TPRA1: variants seen among roughly 807,000 people sequenced by gnomAD.
TPRA1 encodes the protein transmembrane protein adipocyte associated 1, also known as transmembrane protein adipocyte-associated 1.
Under a neutral mutation model 40.1 loss-of-function variants are expected in TPRA1, and 28 were observed. The ratio of observed to expected loss-of-function variants is 0.70; its 90% CI spans 0.52 to 0.96. The LOEUF (loss-of-function observed/expected upper bound fraction) is 0.96, where lower values mean the gene tolerates loss of function less well. Among genes scored for constraint, TPRA1 ranks in the 40% least tolerant of loss-of-function variants. TPRA1 has a pLI of 0.00. For missense variants in TPRA1, 441 were observed against 482.6 expected, an observed-to-expected ratio of 0.91 and a Z score of 0.81; for synonymous variants, 219 against 209.7, an observed-to-expected ratio of 1.04 and a Z score of -0.38.
Position 127,596,083 on chromosome 3 carries a change from A to AT in TPRA1, c.-390-394dup, listed in dbSNP as rs112013218. ...CTTCAAGGTGCTAAATCCCAGGATAATTTTTTTTTTTTTGAGATAGAGTTT... is the reference window on the plus strand; with the variant it reads ...CTTCAAGGTGCTAAATCCCAGGATAATTTTTTTTTTTTTTGAGATAGAGTTT... On this transcript the variant is annotated intron_variant, in intron 1 of 3. Coordinates refer to the TPRA1 transcript ENST00000462228. Among the ~76,000 whole-genome samples, 556 of 146,052 alleles carry AT rather than the reference A, an allele frequency of 3.8e-3. 1 individual carries two copies. The highest frequency in any genetic ancestry group is 9.3e-3 in the African/African-American group (373 of 39,926).
chr3:127,584,847 C>T (rs1357041559), intron 1 of TPRA1, among the ~76,000 whole-genome samples: 1 of 152,030 alleles, frequency 6.6e-6, no homozygotes, highest in African/African-American at 2.4e-5. Flanking sequence ...TTGTTATAAA[C>T]ATATGACACG....
chr3:127,586,656 G>A (rs1053369579), intron 1 of TPRA1, among the ~76,000 whole-genome samples: 2 of 152,222 alleles, frequency 1.3e-5, no homozygotes, highest in Non-Finnish European at 2.9e-5. Flanking sequence ...ACCATGACCA[G>A]CTATCCCCAC....
At chr3:127,578,566 T>G (rs1248378041) in intron 3 of TPRA1, among the ~76,000 whole-genome samples, 1 of 152,214 alleles carries the variant, frequency 6.6e-6, no homozygotes, top group East Asian at 1.9e-4. Flanking sequence ...AAAGGACATC[T>G]GCCTAGCATA....
At chr3:127,573,974 T>G (rs2073475052) in intron 10 of TPRA1, among the ~76,000 whole-genome samples, 186 bp from the exon 11 acceptor site, 1 of 152,040 alleles carries the variant, frequency 6.6e-6, no homozygotes, top group South Asian at 2.1e-4. Flanking sequence ...CCAGCCCTCC[T>G]CCCCCTGGCT....
chr3:127,589,163 C>T (rs1399598206), intron 1 of TPRA1, among the ~76,000 whole-genome samples: 3 of 152,132 alleles, frequency 2.0e-5, no homozygotes, highest in African/African-American at 4.8e-5. Flanking sequence ...CTCTGCCTCC[C>T]TCCCTCCCAC....
In TPRA1 at chr3:127,581,062, G is replaced by C. The variant is rs545981283; in HGVS notation, c.-17-899C>G. ...CCACTCTGGGGTTAGGGGACTGAGG[G>C]TCTGGTCGGAAAACCAAGACTCCTA... On this transcript the variant is annotated intron_variant, in intron 1 of 10. Transcript: ENST00000355552. Among the ~76,000 whole-genome samples the C allele has an allele frequency of 2.0e-4, 31 of 152,334 alleles. 2 individuals are homozygous for C. The South Asian group carries it at 6.4e-3, about 32-fold the overall frequency.
chr3:127,584,726 A>G (rs56374192), intron 1 of TPRA1, among the ~76,000 whole-genome samples: 125 of 152,326 alleles, frequency 8.2e-4, no homozygotes, highest in African/African-American at 2.9e-3. Flanking sequence ...ACAGGCTGAC[A>G]GTCCTTCAGC....
At chr3:127,592,510 C>G (rs570344908), upstream of TPRA1, among the ~76,000 whole-genome samples, 1 of 151,332 alleles carries the variant, frequency 6.6e-6, no homozygotes, top group Non-Finnish European at 1.5e-5. Context: ...CTCAGCCTCC[C>G]GAGTAGCTGG....
chr3:127,592,390 T>G (rs1423610811), upstream of TPRA1, among the ~76,000 whole-genome samples: 41 of 143,696 alleles, frequency 2.9e-4, no homozygotes, highest in African/African-American at 1.0e-3. Flanking sequence ...TTTTTTTTTT[T>G]TTTTTTGAGA....
intron 1 of TPRA1, chr3:127,595,825 C>T (rs998699511): frequency 1.3e-5 from 2 of 152,228 alleles, no homozygotes; most frequent in Admixed American, 1.3e-4. Context: ...AGAGAGGCCC[C>T]CACCCAAGAG....
Position 127,575,777 on chromosome 3 carries a change from G to T in TPRA1, c.642C>A (p.Thr214=). 1 of 1,613,812 alleles carries T rather than the reference G, an allele frequency of 6.2e-7. No individual in the cohort carries two copies. The change falls in exon 8 of 11, where the codon ACC becomes ACA. Residue 214 remains threonine (T), a synonymous_variant. Transcript: ENST00000355552. ...GCAGGGAGATGCGCTCCTTCAGCGG[G>T]GTCTTGGGAAGGATGACCACCAGAG... ...VYSLVVILPK[T]PLKERISLPS...
At chr3:127,584,556 G>GTAGAA (rs2073944297) in intron 1 of TPRA1, among the ~76,000 whole-genome samples, 1 of 147,832 alleles carries the variant, frequency 6.8e-6, no homozygotes, top group Non-Finnish European at 1.5e-5. Context: ...ACACAGTAGA[G>GTAGAA]ACTGCTGGGT....
chr3:127,575,501 C>T lies in TPRA1; in HGVS notation c.675G>A (p.Arg225=), dbSNP rs1447264652. The change falls in exon 9 of 11, where the codon CGG becomes CGA. Residue 225 remains arginine, a synonymous_variant. Transcript: ENST00000355552. ...PLKERISLPS[R]RSFYVYAGIL... ...TGCCCGCATACACGTAGAAGCTCCT[C>T]CGAGCTGGGGGCCGGACAGGGTGGG... 1 of 1,570,872 alleles carries T rather than the reference C, an allele frequency of 6.4e-7. No homozygotes were observed. Among genetic ancestry groups the T allele is most frequent in the Admixed American group, 1.9e-5 (1 of 52,682 alleles).
chr3:127,592,371 T>G (rs936057134), upstream of TPRA1, among the ~76,000 whole-genome samples: 1 of 127,302 alleles, frequency 7.9e-6, no homozygotes, highest in Non-Finnish European at 1.7e-5. Flanking sequence ...CATGCTGTTT[T>G]TTTTTTTTTT....
chr3:127,574,815 C>G (rs1278389102), intron 10 of TPRA1, among the ~76,000 whole-genome samples: 2 of 152,170 alleles, frequency 1.3e-5, no homozygotes, highest in Non-Finnish European at 2.9e-5. Context: ...GTGCATATAT[C>G]TACATGTATG....
chr3:127,592,389 T>C (rs532497692), upstream of TPRA1, among the ~76,000 whole-genome samples: 1 of 142,886 alleles, frequency 7.0e-6, no homozygotes, highest in Non-Finnish European at 1.5e-5. Context: ...TTTTTTTTTT[T>C]TTTTTTTGAG....
At chr3:127,574,938 A>C (rs548088729) in intron 10 of TPRA1, 2 of 560,028 alleles carry the variant, frequency 3.6e-6, no homozygotes, top group South Asian at 4.1e-5. Flanking sequence ...GTGCATGTGC[A>C]TGTGTGCATG....
upstream of TPRA1, chr3:127,595,451 C>G (rs1283129148): frequency 6.6e-6 from 1 of 152,390 alleles, no homozygotes; most frequent in Admixed American, 6.5e-5. Context: ...CTGCATCCTA[C>G]CTGTCAACAC....
chr3:127,582,478 A>G (rs181735930), intron 1 of TPRA1, among the ~76,000 whole-genome samples: 313 of 152,234 alleles, frequency 2.1e-3, no homozygotes, highest in African/African-American at 6.4e-3. Flanking sequence ...AGGCAGGCGA[A>G]TCACTTGCGG....
Sources: allele counts gnomAD v4.1 joint callset (sites outside exome capture counted in the v4.1 genomes callset), GRCh38; gene constraint gnomAD v4.1.1; transcripts MANE v1.5; gene names NCBI Gene and HGNC (gene_info 2026-07-23, HGNC 2026-07-21).